COG4: variants seen among roughly 807,000 people sequenced by gnomAD.
The protein encoded by COG4 is conserved oligomeric Golgi complex subunit 4.
COG4 carries 65 observed loss-of-function variants against 95.1 expected under a neutral mutation model. That is an observed-to-expected ratio of 0.68 (90% CI 0.56 to 0.84). The LOEUF (loss-of-function observed/expected upper bound fraction) is 0.84. COG4 is among the 40% of genes least tolerant of loss of function. COG4 has a pLI of 0.00. For missense variants in COG4, 1,045 were observed against 989.1 expected (o/e 1.06, Z -0.76); for synonymous variants, 421 against 374.8 (o/e 1.12, Z -1.42).
At chr16:70,516,014 C>T in intron 3 of COG4, 1 of 455,932 alleles carries the variant, frequency 2.2e-6, no homozygotes, top group Non-Finnish European at 4.4e-6. Flanking sequence ...GAGAAGTTCC[C>T]CTCTATTCCA....
chr16:70,512,141 G>C (rs763851137), intron 5 of COG4, 98 bp downstream of exon 5: 21 of 1,155,474 alleles, frequency 1.8e-5, no homozygotes, highest in Non-Finnish European at 2.3e-5. Context: ...GTCATATCCA[G>C]AAGAGAGAAA....
intron 13 of COG4, among the ~76,000 whole-genome samples, chr16:70,486,656 C>T (rs2049142295): frequency 6.6e-6 from 1 of 152,168 alleles, no homozygotes; most frequent in Admixed American, 6.6e-5. Context: ...CCAACAGACT[C>T]ATGTTAAGGA....
At chr16:70,523,266 T>G in intron 1 of COG4, 107 bp downstream of exon 1, 1 of 1,402,958 alleles carries the variant, frequency 7.1e-7, no homozygotes, top group South Asian at 1.2e-5. Context: ...TTTTCCCGCT[T>G]TTTTGTATCC....
intron 2 of COG4, among the ~76,000 whole-genome samples, chr16:70,518,344 G>A (rs1306842155): frequency 6.6e-6 from 1 of 152,102 alleles, no homozygotes; most frequent in Non-Finnish European, 1.5e-5. Context: ...GTGAGAGGAT[G>A]GTGAGATCAA....
chr16:70,483,291 A>T (rs146914837), intron 14 of COG4, among the ~76,000 whole-genome samples: 6,257 of 33,008 alleles, frequency 0.19, 1,410 homozygotes, highest in African/African-American at 0.53. Context: ...TCCCCACCCC[A>T]TCCTCCTCTC....
rs2049436947 is a variant in COG4, at chr16:70,500,979, C to A, written c.1174G>T (p.Ala392Ser). The change falls in exon 9 of 19, where the codon GCC becomes TCC. Residue 392 changes from alanine (A) to serine (S), a missense_variant. Transcript: ENST00000323786. ...SSDFEVGDSM[A>S]SEEVKQEHQK... ...TTACCTTGCTTTACTTCCTCTGAGG[C>A]CATGGAGTCTCCCACCTCAAAATCA... 1.9e-6 allele frequency: 3 copies of A among 1,614,100 alleles called. No homozygotes were observed. Among genetic ancestry groups the A allele is most frequent in the Non-Finnish European group, 1.7e-6 (2 of 1,180,026 alleles).
chr16:70,483,112 C>G (rs1182778675), intron 14 of COG4, among the ~76,000 whole-genome samples: 1 of 93,284 alleles, frequency 1.1e-5, no homozygotes, highest in Admixed American at 1.1e-4. Context: ...TCCCTCTCTC[C>G]TCTCCCCACC....
Position 70,509,255 on chromosome 16 carries a change from G to A in COG4, c.978C>T (p.Ile326=). Residue 326 remains isoleucine, a synonymous_variant, in exon 7 of 19, where the codon ATC becomes ATT. Coordinates refer to ENST00000323786, the MANE Select transcript of COG4 (RefSeq NM_015386.3). ...RQVEKVVDKF[I]KQRDYHQQFR... is the part of the protein sequence containing the mutation. ...CCTGCTGGTGGTAGTCCCTTTGCTT[G>A]ATGAACTTGTCTACCACCTTCTCCA... is the stretch of plus-strand genomic sequence containing the variant. 1 of 1,614,164 alleles carries A rather than the reference G, an allele frequency of 6.2e-7. No homozygotes were observed. Among genetic ancestry groups the A allele is most frequent in the Non-Finnish European group, 8.5e-7 (1 of 1,180,036 alleles).
chr16:70,496,545 T>C (rs1283311041), intron 11 of COG4, 114 bp from the exon 12 acceptor site: 5 of 1,049,482 alleles, frequency 4.8e-6, no homozygotes, highest in Admixed American at 1.9e-5. Flanking sequence ...TTAGGGGGAA[T>C]AACCAGTCCT....
chr16:70,520,513 T>G (rs762919083), intron 1 of COG4, among the ~76,000 whole-genome samples: 186 of 149,656 alleles, frequency 1.2e-3, no homozygotes, highest in Non-Finnish European at 2.2e-3. Flanking sequence ...GGGCCTGTAA[T>G]CCCAGCTACA....
chr16:70,509,843 G>C (rs2049660761), intron 6 of COG4, 73 bp downstream of exon 6: 5 of 1,076,884 alleles, frequency 4.6e-6, no homozygotes, highest in Non-Finnish European at 7.2e-6. Flanking sequence ...AGGCTAGAAG[G>C]GTGAGAAGAA....
intron 5 of COG4, among the ~76,000 whole-genome samples, chr16:70,511,189 T>A (rs1427489410): frequency 6.6e-6 from 1 of 152,216 alleles, no homozygotes; most frequent in Admixed American, 6.5e-5. Flanking sequence ...ATTTCCCAAT[T>A]TTCTTCAGAG....
At chr16:70,488,165 T>C (rs1356686840) in intron 13 of COG4, among the ~76,000 whole-genome samples, 2 of 151,014 alleles carry the variant, frequency 1.3e-5, no homozygotes, top group Non-Finnish European at 2.9e-5. Flanking sequence ...ATGGAGTCTT[T>C]CTCTGTTGCC....
chr16:70,506,134 T>C (rs895183657), intron 8 of COG4, among the ~76,000 whole-genome samples: 2 of 151,626 alleles, frequency 1.3e-5, no homozygotes, highest in African/African-American at 2.4e-5. Context: ...CGGTGGCTCA[T>C]GCCTGTAATC....
At chr16:70,482,584 G>T in intron 15 of COG4, 145 bp downstream of exon 15, 1 of 722,528 alleles carries the variant, frequency 1.4e-6, no homozygotes, top group Admixed American at 2.0e-5. Flanking sequence ...TTCCTGGGAG[G>T]AACCTAGTCT....
intron 7 of COG4, 163 bp downstream of exon 7, chr16:70,509,068 A>G: frequency 2.3e-6 from 2 of 854,164 alleles, no homozygotes; most frequent in Non-Finnish European, 3.8e-6. Flanking sequence ...CTCAAGTCCA[A>G]AGTAAGCTGT....
rs147242136 is a variant in COG4, at chr16:70,496,532, C to T, written c.1482-101G>A. ...CTCTGACCCAGCAGCACAAGGTGCT[C>T]TTTTAGGGGGAATAACCAGTCCTTA... On this transcript the variant is annotated intron_variant, in intron 11 of 18. Coordinates refer to ENST00000323786, the MANE Select transcript of COG4 (RefSeq NM_015386.3). The T allele has an allele frequency of 3.2e-4, 386 of 1,202,956 alleles. 6 individuals carry two copies. The East Asian group carries it at 8.3e-3, about 26-fold the overall frequency. 74.5% of individuals were successfully genotyped at this position (1,202,956 alleles called of 1,614,324 possible). A position where few individuals can be genotyped will look rare whatever the true frequency, so the allele number is the denominator to read the frequency against.
At chr16:70,490,572 G>C (rs1430342545) in intron 12 of COG4, among the ~76,000 whole-genome samples, 180 bp from the exon 13 acceptor site, 1 of 152,190 alleles carries the variant, frequency 6.6e-6, no homozygotes, top group Non-Finnish European at 1.5e-5. Flanking sequence ...ATCTTGGATT[G>C]GGCAGAATGG....
At chr16:70,482,620 G>A (rs762750539) in intron 15 of COG4, 109 bp downstream of exon 15, 4 of 868,890 alleles carry the variant, frequency 4.6e-6, no homozygotes, top group Non-Finnish European at 7.7e-6. Flanking sequence ...GGGGAAGTGG[G>A]CCTGGGAAGC....
Sources: gnomAD v4.1 joint callset for allele counts (sites outside exome capture counted in the v4.1 genomes callset) on GRCh38, gnomAD v4.1.1 for gene constraint, MANE v1.5 for transcripts, NCBI Gene and HGNC (gene_info 2026-07-23, HGNC 2026-07-21) for gene names.